CALN1: variants seen among roughly 807,000 people sequenced by gnomAD.
CALN1 encodes calneuron 1, also known as calcium-binding protein 8.
In CALN1, 17 loss-of-function variants were observed where a neutral mutation model predicts 30.6. The observed-to-expected ratio is 0.56, with a 90% CI of 0.38 to 0.83. The LOEUF (loss-of-function observed/expected upper bound fraction) is 0.83. Ranked by LOEUF, CALN1 falls within the 40% of genes least tolerant of loss-of-function variation. The pLI is 0.00. For missense variants in CALN1, 291 were observed against 354.9 expected (o/e 0.82, Z 1.45); for synonymous variants, 156 against 131.4 (o/e 1.19, Z -1.28).
intron 1 of CALN1, among the ~76,000 whole-genome samples, chr7:72,439,726 G>A (rs1409196643): frequency 2.6e-5 from 4 of 151,916 alleles, no homozygotes; most frequent in South Asian, 2.1e-4. Flanking sequence ...ACAAGCGCCC[G>A]CCACAATGCC....
chr7:71,874,518 CG>C (rs1256779772), intron 5 of CALN1, among the ~76,000 whole-genome samples: 1 of 152,122 alleles, frequency 6.6e-6, no homozygotes, highest in East Asian at 1.9e-4. Flanking sequence ...TTCCAGAGCA[CG>C]GAATGACTTT....
chr7:72,062,487 G>A (rs201045854), intron 4 of CALN1, among the ~76,000 whole-genome samples: 2 of 143,282 alleles, frequency 1.4e-5, no homozygotes, highest in East Asian at 2.0e-4. Flanking sequence ...ACTCAAGCCT[G>A]GACGACAGAG....
At chr7:72,459,893 G>C in the CALN1 span, among the ~76,000 whole-genome samples, 4 of 152,236 alleles carry the variant, frequency 2.6e-5, no homozygotes, top group African/African-American at 9.6e-5. Context: ...ATTTTGCATT[G>C]CTGTTAATAT....
intron 2 of CALN1, among the ~76,000 whole-genome samples, chr7:72,289,331 C>G (rs1213519320): frequency 2.0e-5 from 3 of 152,198 alleles, no homozygotes; most frequent in Non-Finnish European, 4.4e-5. Flanking sequence ...CACAGTTCAT[C>G]TGACTGAGGA....
intron 5 of CALN1, among the ~76,000 whole-genome samples, chr7:71,833,854 G>A (rs1562822311): frequency 6.6e-6 from 1 of 152,074 alleles, no homozygotes; most frequent in Non-Finnish European, 1.5e-5. Context: ...TCAAGGCTGA[G>A]CTATGATTGT....
chr7:72,011,842 A>C (rs541227853), intron 5 of CALN1, among the ~76,000 whole-genome samples: 3 of 152,158 alleles, frequency 2.0e-5, no homozygotes, highest in Non-Finnish European at 4.4e-5. Flanking sequence ...AGACAAAAAA[A>C]TGTTGCCCAC....
chr7:72,032,111 T>G (rs2129532138), intron 4 of CALN1, among the ~76,000 whole-genome samples: 1 of 132,492 alleles, frequency 7.5e-6, no homozygotes, highest in East Asian at 2.3e-4. Context: ...CAGGCTGGAG[T>G]GCAGTGGCAC....
chr7:71,812,929 C>CATCATCATT (rs1287091997), intron 5 of CALN1, among the ~76,000 whole-genome samples: 1,831 of 136,468 alleles, frequency 0.013, 16 homozygotes, highest in Middle Eastern at 0.038. Flanking sequence ...TCATCATCAT[C>CATCATCATT]ATTATTATTA....
intron 1 of CALN1, among the ~76,000 whole-genome samples, chr7:72,407,556 G>GTCT (rs1806788150): frequency 6.6e-6 from 1 of 152,286 alleles, no homozygotes; most frequent in African/African-American, 2.4e-5. Flanking sequence ...CTCTGGCCAT[G>GTCT]TGAAGACATG....
chr7:71,830,687 C>A (rs954568330), intron 5 of CALN1, among the ~76,000 whole-genome samples: 2 of 152,264 alleles, frequency 1.3e-5, no homozygotes, highest in Middle Eastern at 6.8e-3. Context: ...GAGAAAAAGT[C>A]CTCGAACTTG....
At chr7:71,928,614 T>G (rs755922796) in intron 5 of CALN1, among the ~76,000 whole-genome samples, 2 of 152,208 alleles carry the variant, frequency 1.3e-5, no homozygotes, top group Non-Finnish European at 2.9e-5. Flanking sequence ...ATGTAATAGT[T>G]CACATACCAT....
At chr7:72,300,814 G>A (rs750806512) in intron 2 of CALN1, among the ~76,000 whole-genome samples, 47 of 152,040 alleles carry the variant, frequency 3.1e-4, no homozygotes, top group Non-Finnish European at 5.0e-4. Flanking sequence ...CCAACATGGC[G>A]AAACCCCGTC....
chr7:72,358,863 C>T (rs1026688875), intron 2 of CALN1, among the ~76,000 whole-genome samples: 3 of 151,620 alleles, frequency 2.0e-5, no homozygotes, highest in Non-Finnish European at 2.9e-5. Context: ...TAGGCTGAGG[C>T]AGGAGAATCG....
chr7:72,148,929 A>G (rs555023727), intron 3 of CALN1, among the ~76,000 whole-genome samples: 3 of 150,040 alleles, frequency 2.0e-5, no homozygotes, highest in South Asian at 4.3e-4. Context: ...AGAAAGAAAG[A>G]AAAAAAAGAA....
intron 4 of CALN1, among the ~76,000 whole-genome samples, chr7:72,035,409 G>A (rs564790131): frequency 6.6e-6 from 1 of 151,970 alleles, no homozygotes. Context: ...GTCCCTCAAG[G>A]TTCATCCATG....
At chr7:71,887,946 A>C (rs1793011747) in intron 5 of CALN1, among the ~76,000 whole-genome samples, 1 of 152,058 alleles carries the variant, frequency 6.6e-6, no homozygotes, top group Non-Finnish European at 1.5e-5. Context: ...TGATTCGTTC[A>C]ACCTGGGACC....
At chr7:71,869,005 T>TCTC (rs2116719268) in intron 5 of CALN1, among the ~76,000 whole-genome samples, 1 of 152,170 alleles carries the variant, frequency 6.6e-6, no homozygotes, top group African/African-American at 2.4e-5. Context: ...GCTTCCATGG[T>TCTC]CTCCTTTTTA....
chr7:72,193,045 G>A lies in CALN1; in HGVS notation c.244+85641C>T, dbSNP rs374917139. On this transcript the variant is annotated intron_variant, in intron 3 of 6. Transcript: ENST00000395275. ...TCTGCTAAAATTACAAAAATTAGCC[G>A]GGAGTGGTACCACATGCCTCTAGTC... 2.9e-3 allele frequency among the ~76,000 whole-genome samples: 447 copies of A among 151,954 alleles called. 4 individuals are homozygous for A. The highest frequency in any genetic ancestry group is 9.6e-3 in the African/African-American group (396 of 41,446).
intron 5 of CALN1, among the ~76,000 whole-genome samples, chr7:71,951,767 A>C (rs1442869995): frequency 6.6e-6 from 1 of 152,212 alleles, no homozygotes; most frequent in Non-Finnish European, 1.5e-5. Flanking sequence ...GATCACAGCC[A>C]GAAACCTGGC....
Sources: gnomAD v4.1 joint callset for allele counts (sites outside exome capture counted in the v4.1 genomes callset) on GRCh38, gnomAD v4.1.1 for gene constraint, MANE v1.5 for transcripts, NCBI Gene and HGNC (gene_info 2026-07-23, HGNC 2026-07-21) for gene names.